Variants in C12orf42 observed in about 807,000 individuals in gnomAD.
C12orf42 encodes the protein chromosome 12 open reading frame 42.
A neutral mutation model predicts 21.6 loss-of-function variants in C12orf42; 25 were observed. The observed-to-expected ratio is 1.16, with a 90% CI of 0.84 to 1.62. The LOEUF (loss-of-function observed/expected upper bound fraction) is 1.62. Ranked by LOEUF, C12orf42 falls within the 40% of genes most tolerant of loss-of-function variation. The pLI, the probability that C12orf42 is intolerant of heterozygous loss-of-function variation, is 0.00. For missense variants in C12orf42, 483 were observed against 459.3 expected, an observed-to-expected ratio of 1.05 and a Z score of -0.47; for synonymous variants, 174 against 175.0, an observed-to-expected ratio of 0.99 and a Z score of 0.05.
the C12orf42 span, among the ~76,000 whole-genome samples, chr12:103,127,702 A>T: frequency 6.6e-6 from 1 of 152,172 alleles, no homozygotes; most frequent in Non-Finnish European, 1.5e-5. Flanking sequence ...ATGCTGCTAC[A>T]TATCCTGCAA....
chr12:103,087,313 G>T, the C12orf42 span, among the ~76,000 whole-genome samples: 1 of 152,058 alleles, frequency 6.6e-6, no homozygotes, highest in Non-Finnish European at 1.5e-5. Context: ...GTTTGCTTTG[G>T]TGCAGAGATG....
chr12:103,478,331 G>A lies in C12orf42; in HGVS notation c.78+18C>T, dbSNP rs1445458128. The A allele has an allele frequency of 6.5e-7, 1 of 1,530,634 alleles. No individual in the cohort carries two copies. Among genetic ancestry groups the A allele is most frequent in the Non-Finnish European group, 8.9e-7 (1 of 1,119,990 alleles). The allele number at this position is 1,530,634 out of a possible 1,614,324, so 94.8% of individuals were successfully genotyped here. A position where few individuals can be genotyped will look rare whatever the true frequency, so the allele number is the denominator to read the frequency against. Reference sequence around the variant, plus strand: ...AACCTAAAAAAAGTAAGAAAATATAGTATCTCTTATGCATTACCTGCATCC... The same window carrying A: ...AACCTAAAAAAAGTAAGAAAATATAATATCTCTTATGCATTACCTGCATCC... On this transcript the variant is annotated intron_variant, in intron 2 of 5. Coordinates refer to ENST00000548883, the MANE Select transcript of C12orf42 (RefSeq NM_198521.5).
chr12:103,149,726 G>A, the C12orf42 span, among the ~76,000 whole-genome samples: 1 of 152,184 alleles, frequency 6.6e-6, no homozygotes, highest in Admixed American at 6.5e-5. Flanking sequence ...TTTCTGCCAT[G>A]ATTGTAAGTT....
Position 103,302,451 on chromosome 12 carries a change from C to T in C12orf42, c.740G>A (p.Arg247Lys), listed in dbSNP as rs769016721. 4 of 1,613,728 alleles carry T rather than the reference C, an allele frequency of 2.5e-6. No homozygotes were observed. Among genetic ancestry groups the T allele is most frequent in the Non-Finnish European group, 3.4e-6 (4 of 1,179,864 alleles). ...CTGAGCGCCTGCTGGGACTGCCATC[C>T]TCTCCTCCGGCTCGAGCTCTGTGTT... is the stretch of plus-strand genomic sequence containing the variant. ...PSNTELEPEERMAVPAGAQAH... is the reference protein window; with the variant it reads ...PSNTELEPEEKMAVPAGAQAH... The change falls in exon 6 of 6, where the codon AGG becomes AAG. Residue 247 changes from arginine to lysine, a missense_variant. Transcript: ENST00000548883.
intron 2 of C12orf42, among the ~76,000 whole-genome samples, chr12:103,410,649 C>G (rs754491199): frequency 1.3e-5 from 2 of 152,184 alleles, no homozygotes; most frequent in Non-Finnish European, 2.9e-5. Context: ...GCCAGAAGAA[C>G]ATTTGGAACT....
intron 2 of C12orf42, among the ~76,000 whole-genome samples, chr12:103,444,416 T>C (rs1230895345): frequency 1.3e-5 from 2 of 152,130 alleles, no homozygotes; most frequent in Admixed American, 6.6e-5. Context: ...TATAATTCTG[T>C]CATCAATGTG....
chr12:103,553,263 C>T, the C12orf42 span, among the ~76,000 whole-genome samples: 9 of 152,176 alleles, frequency 5.9e-5, no homozygotes, highest in African/African-American at 2.2e-4. Flanking sequence ...TGGTTGAGAG[C>T]CACTGGTCGA....
At chr12:103,416,564 C>A (rs534171145) in intron 2 of C12orf42, among the ~76,000 whole-genome samples, 42 of 151,932 alleles carry the variant, frequency 2.8e-4, no homozygotes, top group African/African-American at 9.9e-4. Context: ...CACCCGAGAC[C>A]ACCACCAAAA....
At chr12:103,097,251 C>T in the C12orf42 span, among the ~76,000 whole-genome samples, 4 of 147,932 alleles carry the variant, frequency 2.7e-5, no homozygotes, top group East Asian at 4.0e-4. Flanking sequence ...TGTGTTGAGC[C>T]GGTGGGTTTG....
At chr12:103,400,820 C>A (rs1211709730) in intron 3 of C12orf42, among the ~76,000 whole-genome samples, 1 of 152,192 alleles carries the variant, frequency 6.6e-6, no homozygotes, top group East Asian at 1.9e-4. Flanking sequence ...ATCTCCTCCT[C>A]ATGTGCTTGG....
the C12orf42 span, chr12:103,549,447 A>G: frequency 2.1e-3 from 323 of 152,330 alleles, 1 homozygote; most frequent in African/African-American, 7.5e-3. Flanking sequence ...CCAGCTTTAC[A>G]TGCACTTGTT....
intron 2 of C12orf42, among the ~76,000 whole-genome samples, chr12:103,465,140 T>C (rs1953019340): frequency 6.6e-6 from 1 of 152,206 alleles, no homozygotes; most frequent in Non-Finnish European, 1.5e-5. Context: ...CTGTGAAGAA[T>C]GTCAATGTTA....
chr12:103,347,888 A>G (rs1212819549), intron 4 of C12orf42, among the ~76,000 whole-genome samples: 1 of 152,168 alleles, frequency 6.6e-6, no homozygotes, highest in African/African-American at 2.4e-5. Flanking sequence ...AACTGGGTAT[A>G]ATATCATTGA....
At chr12:103,413,548 G>A (rs377408466) in intron 2 of C12orf42, among the ~76,000 whole-genome samples, 26 of 151,966 alleles carry the variant, frequency 1.7e-4, no homozygotes, top group African/African-American at 5.8e-4. Flanking sequence ...AAGTCCTTTA[G>A]TGGTGATTTC....
the C12orf42 span, among the ~76,000 whole-genome samples, chr12:103,220,253 C>T: frequency 2.6e-5 from 4 of 151,868 alleles, no homozygotes; most frequent in Non-Finnish European, 5.9e-5. Context: ...CACACCAGGG[C>T]CTCTCAGGGG....
At chr12:103,468,605 G>T (rs979528816) in intron 2 of C12orf42, among the ~76,000 whole-genome samples, 1 of 151,992 alleles carries the variant, frequency 6.6e-6, no homozygotes, top group Non-Finnish European at 1.5e-5. Context: ...CCCCATTCTT[G>T]GTGTTTAACA....
the C12orf42 span, among the ~76,000 whole-genome samples, chr12:103,554,553 A>C: frequency 6.6e-5 from 10 of 151,590 alleles, no homozygotes; most frequent in African/African-American, 2.4e-4. Context: ...ATAAAGAACT[A>C]TCTGAGACTG....
At chr12:103,168,663 T>A in the C12orf42 span, among the ~76,000 whole-genome samples, 1 of 152,216 alleles carries the variant, frequency 6.6e-6, no homozygotes, top group Non-Finnish European at 1.5e-5. Flanking sequence ...GAACTGGGTA[T>A]ATACCCAAAG....
At chr12:103,334,976 C>T (rs1002223224) in intron 4 of C12orf42, among the ~76,000 whole-genome samples, 4 of 152,156 alleles carry the variant, frequency 2.6e-5, no homozygotes, top group Non-Finnish European at 4.4e-5. Context: ...GCTTTGCCCC[C>T]TTTCAAGTAG....
Sources: allele counts gnomAD v4.1 joint callset (sites outside exome capture counted in the v4.1 genomes callset), GRCh38; gene constraint gnomAD v4.1.1; transcripts MANE v1.5; gene names NCBI Gene and HGNC (gene_info 2026-07-23, HGNC 2026-07-21).